The following MAU2 variants were observed in gnomAD, a reference collection of about 807,000 sequenced individuals.
MAU2 encodes MAU2 chromatid cohesion factor homolog.
In MAU2, 9 loss-of-function variants were observed where a neutral mutation model predicts 89.1. That is an observed-to-expected ratio of 0.10 (90% CI 0.06 to 0.18). MAU2 has a LOEUF of 0.18. MAU2 is among the 10% of genes least tolerant of loss of function. MAU2 has a pLI of 1.00. For missense variants in MAU2, 425 were observed against 803.5 expected (o/e 0.53, Z 5.69); for synonymous variants, 357 against 343.4 (o/e 1.04, Z -0.44).
At chr19:19,344,523 A>ACCC in intron 10 of MAU2, 1 of 419,328 alleles carries the variant, frequency 2.4e-6, no homozygotes, top group South Asian at 3.5e-5. Context: ...TGATTGTTAT[A>ACCC]CCCCACCCTG....
chr19:19,329,064 A>G (rs1489193692), intron 1 of MAU2: 3 of 455,916 alleles, frequency 6.6e-6, no homozygotes, highest in Non-Finnish European at 1.3e-5. Flanking sequence ...TAGCCTGAGC[A>G]TCTATGGTTC....
At chr19:19,349,066 C>A in intron 14 of MAU2, 89 bp from the exon 15 acceptor site, 1 of 1,557,102 alleles carries the variant, frequency 6.4e-7, no homozygotes. Flanking sequence ...AGTGGGGGCT[C>A]TCAGAAATAG....
chr19:19,326,970 T>C (rs902924186), intron 1 of MAU2, among the ~76,000 whole-genome samples: 1 of 151,186 alleles, frequency 6.6e-6, no homozygotes, highest in Non-Finnish European at 1.5e-5. Flanking sequence ...AAAAATTTGA[T>C]TGTATTTATT....
At chr19:19,332,326 ATTT>A (rs35913129) in intron 1 of MAU2, among the ~76,000 whole-genome samples, 3 of 101,942 alleles carry the variant, frequency 2.9e-5, no homozygotes, top group East Asian at 6.1e-4. Flanking sequence ...TGCCTGGCTG[ATTT>A]TTTTTTTTTT....
chr19:19,356,872 C>T lies in MAU2; in HGVS notation c.*1090C>T, dbSNP rs778002391. 9 of 152,264 alleles carry T rather than the reference C, an allele frequency of 5.9e-5. No homozygotes were observed. The highest frequency in any genetic ancestry group is 1.3e-4 in the Non-Finnish European group (9 of 68,086). 9.4% of individuals were successfully genotyped at this position (152,264 alleles called of 1,614,324 possible). On this transcript the variant is annotated 3_prime_UTR_variant, in exon 19 of 19. Coordinates refer to ENST00000262815, the MANE Select transcript of MAU2 (RefSeq NM_015329.4). Reference sequence around the variant, plus strand: ...CTTTTCTTGGATAATCAGGAGGTGCCCCAGTGGTCACAGTGTGGCATTCCG... The same window carrying T: ...CTTTTCTTGGATAATCAGGAGGTGCTCCAGTGGTCACAGTGTGGCATTCCG...
At chr19:19,337,963 C>T (rs969618923) in intron 4 of MAU2, among the ~76,000 whole-genome samples, 1 of 152,242 alleles carries the variant, frequency 6.6e-6, no homozygotes, top group Non-Finnish European at 1.5e-5. Context: ...GGGCTCCACC[C>T]ATACTTCTGC....
rs376268212 is a variant in MAU2, at chr19:19,343,789, G to A, written c.974-48G>A. 91 of 1,418,458 alleles carry A rather than the reference G, an allele frequency of 6.4e-5. No homozygotes were observed. The African/African-American group carries it at 6.9e-4, about 11-fold the overall frequency. The allele number at this position is 1,418,458 out of a possible 1,614,324, so 87.9% of individuals were successfully genotyped here. ...GGGGGCACGGTGGGCTGGGGGTGGCGCCTCCTCTGGCCTCCCCTGCATGCT... is the reference window on the plus strand; with the variant it reads ...GGGGGCACGGTGGGCTGGGGGTGGCACCTCCTCTGGCCTCCCCTGCATGCT... On this transcript the variant is annotated intron_variant, in intron 9 of 18. Transcript: ENST00000262815.
Position 19,355,817 on chromosome 19 carries a change from G to A in MAU2, c.*35G>A. On this transcript the variant is annotated 3_prime_UTR_variant, in exon 19 of 19. Coordinates refer to ENST00000262815, the MANE Select transcript of MAU2 (RefSeq NM_015329.4). ...GGGGCCATCCAGCTCCGCAGGGCCT[G>A]CGCGTCTCCGGCTTCCACCCAGACG... 1.3e-6 allele frequency: 2 copies of A among 1,580,196 alleles called. No homozygotes were observed. The highest frequency in any genetic ancestry group is 2.2e-5 in the South Asian group (2 of 90,630).
chr19:19,331,532 C>T (rs981239840), intron 1 of MAU2, among the ~76,000 whole-genome samples: 10 of 151,794 alleles, frequency 6.6e-5, no homozygotes, highest in Admixed American at 5.9e-4. Context: ...GATGAGGTAG[C>T]AACCTTGGGT....
Position 19,345,708 on chromosome 19 carries a change from C to T in MAU2, c.1221+339C>T, listed in dbSNP as rs1379591387. ...TTGGCTCAAGTGTCAGCTGACAACT[C>T]AGAGCCATCCTGGGTTCAGGGCTCC... On this transcript the variant is annotated intron_variant, in intron 12 of 18. Coordinates refer to ENST00000262815, the MANE Select transcript of MAU2 (RefSeq NM_015329.4). The surrounding 1 kb of genome is among the most constrained non-coding windows in gnomAD (Gnocchi z 4.9). Among the ~76,000 whole-genome samples, 1 of 152,190 alleles carries T rather than the reference C, an allele frequency of 6.6e-6. No individual in the cohort carries two copies. Among genetic ancestry groups the T allele is most frequent in the African/African-American group, 2.4e-5 (1 of 41,452 alleles).
chr19:19,329,956 ATTAT>A (rs139674702), intron 1 of MAU2, among the ~76,000 whole-genome samples: 25 of 151,132 alleles, frequency 1.7e-4, no homozygotes, highest in Non-Finnish European at 2.2e-4. Context: ...TGTCTTTTTA[ATTAT>A]TTATTTATTT....
rs190753831 is a variant in MAU2, at chr19:19,345,661, G to A, written c.1221+292G>A. On this transcript the variant is annotated intron_variant, in intron 12 of 18. Transcript: ENST00000262815. This position sits in a 1 kb window ranked among gnomAD's most constrained non-coding sequence, Gnocchi z 4.9. ...TTCATGCCTGAGTGGGAACTTTTGC[G>A]GCACCCACCCCCAAGGCTGGATTGG... Among the ~76,000 whole-genome samples the A allele has an allele frequency of 6.6e-5, 10 of 152,264 alleles. No homozygotes were observed. Among genetic ancestry groups the A allele is most frequent in the African/African-American group, 1.2e-4 (5 of 41,542 alleles).
chr19:19,356,907 G>A lies in MAU2; in HGVS notation c.*1125G>A, dbSNP rs747203027. ...ACAGTGTGGCATTCCGAGTTGGGGC[G>A]GGTGGTCGGGTCAAGATAGCAGCAG... On this transcript the variant is annotated 3_prime_UTR_variant, in exon 19 of 19. Transcript: ENST00000262815. The A allele has an allele frequency of 6.6e-6, 1 of 152,228 alleles. No individual in the cohort carries two copies. Among genetic ancestry groups the A allele is most frequent in the Admixed American group, 6.5e-5 (1 of 15,270 alleles). 9.4% of individuals were successfully genotyped at this position (152,228 alleles called of 1,614,324 possible). A position where few individuals can be genotyped will look rare whatever the true frequency, so the allele number is the denominator to read the frequency against.
chr19:19,345,380 G>A lies in MAU2; in HGVS notation c.1221+11G>A, dbSNP rs200863827. On this transcript the variant is annotated intron_variant, in intron 12 of 18. Transcript: ENST00000262815. This position sits in a 1 kb window ranked among gnomAD's most constrained non-coding sequence, Gnocchi z 4.9. ...ACCACGGCCCTGCGGGTAAGGTGCC[G>A]GCCCTCCTTGCTGCTCGGGGCGGGC... 3.5e-5 allele frequency: 57 copies of A among 1,613,248 alleles called. No homozygotes were observed. The highest frequency in any genetic ancestry group is 6.7e-5 in the East Asian group (3 of 44,872).
chr19:19,358,092 A>C lies in MAU2; in HGVS notation c.*2310A>C, dbSNP rs958223974. 6.6e-6 allele frequency: 1 copy of C among 152,178 alleles called. No individual in the cohort carries two copies. Among genetic ancestry groups the C allele is most frequent in the Non-Finnish European group, 1.5e-5 (1 of 68,086 alleles). 9.4% of individuals were successfully genotyped at this position (152,178 alleles called of 1,614,324 possible). On this transcript the variant is annotated 3_prime_UTR_variant, in exon 19 of 19. Transcript: ENST00000262815. Reference sequence around the variant, plus strand: ...GAGACTTTGTCTCAAAAAAAAAAAAAAAAACAATGGAAGGCAGACAGCAAG... The same window carrying C: ...GAGACTTTGTCTCAAAAAAAAAAAACAAAACAATGGAAGGCAGACAGCAAG...
At chr19:19,326,650 C>T (rs2061506071) in intron 1 of MAU2, among the ~76,000 whole-genome samples, 1 of 128,306 alleles carries the variant, frequency 7.8e-6, no homozygotes, top group African/African-American at 2.8e-5. Context: ...CGCGCCACTG[C>T]ACTCCAGACT....
At position 19,354,559 on chromosome 19, in the gene MAU2, A is replaced by G. The variant is rs536944956; in HGVS notation, c.1639+114A>G. 1.3e-5 allele frequency: 12 copies of G among 899,314 alleles called. No individual in the cohort carries two copies. In the Admixed American group the frequency reaches 2.0e-4, roughly 15 times the overall value. The allele number at this position is 899,314 out of a possible 1,614,324, so 55.7% of individuals were successfully genotyped here. On this transcript the variant is annotated intron_variant, in intron 17 of 18. Coordinates refer to ENST00000262815, the MANE Select transcript of MAU2 (RefSeq NM_015329.4). ...CTCGGACTAGGCCTCCGTGGGCCGC[A>G]GCCCCAGTTCTAGCATGGGTAGGGG...
At chr19:19,344,198 G>T in intron 10 of MAU2, 1 of 445,698 alleles carries the variant, frequency 2.2e-6, no homozygotes, top group Non-Finnish European at 4.1e-6. Flanking sequence ...GATCACTTGA[G>T]GCCAGGAGTT....
chr19:19,336,051 G>A, intron 2 of MAU2, 71 bp from the exon 3 acceptor site: 2 of 1,099,052 alleles, frequency 1.8e-6, no homozygotes, highest in Non-Finnish European at 2.8e-6. Flanking sequence ...CAGGGTAGGA[G>A]CCCCAAGCTG....
Sources: gnomAD v4.1 joint callset for allele counts (sites outside exome capture counted in the v4.1 genomes callset) on GRCh38, gnomAD v4.1.1 for gene constraint, Gnocchi (gnomAD v3.1) non-coding constraint, MANE v1.5 for transcripts, NCBI Gene and HGNC (gene_info 2026-07-23, HGNC 2026-07-21) for gene names.